The following MME variants were observed in gnomAD, a reference collection of about 807,000 sequenced individuals.
MME encodes neprilysin.
Under a neutral mutation model 113.2 loss-of-function variants are expected in MME, and 98 were observed. That is an observed-to-expected ratio of 0.87 (90% CI 0.74 to 1.02). The LOEUF is 1.02. Among genes scored for constraint, MME ranks in the 50% least tolerant of loss-of-function variants. MME has a pLI of 0.00. For synonymous variants in MME, 292 were observed against 300.6 expected (o/e 0.97, Z 0.30); for missense variants, 836 against 896.0 (o/e 0.93, Z 0.86).
At position 155,081,934 on chromosome 3, in the gene MME, A is replaced by G. The variant is rs1163631211; in HGVS notation, c.-11+1468A>G. 3 of 152,172 alleles carry G rather than the reference A, an allele frequency of 2.0e-5. No individual in the cohort carries two copies. The East Asian group carries it at 5.8e-4, about 29-fold the overall frequency. The allele number at this position is 152,172 out of a possible 1,614,324, so 9.4% of individuals were successfully genotyped here. ...CATTTACAAGAGGGGGAGATGGAGGAAGACTTTGCAGGTGATTCAAAGATT... is the reference window on the plus strand; with the variant it reads ...CATTTACAAGAGGGGGAGATGGAGGGAGACTTTGCAGGTGATTCAAAGATT... On this transcript the variant is annotated intron_variant, in intron 1 of 22. Transcript: ENST00000360490.
chr3:155,171,792 C>T (rs917032418), intron 20 of MME, among the ~76,000 whole-genome samples: 8 of 152,250 alleles, frequency 5.3e-5, no homozygotes, highest in African/African-American at 1.9e-4. Flanking sequence ...TGGTCTTATT[C>T]ATCAATTTAT....
intron 3 of MME, among the ~76,000 whole-genome samples, chr3:155,106,516 C>G (rs1249790061): frequency 6.6e-6 from 1 of 152,162 alleles, no homozygotes; most frequent in Non-Finnish European, 1.5e-5. Flanking sequence ...AGTTTTCAGT[C>G]ATTTTCTCTT....
chr3:155,172,812 A>C, intron 22 of MME, among the ~76,000 whole-genome samples, 200 bp downstream of exon 22: 1 of 150,686 alleles, frequency 6.6e-6, no homozygotes, highest in Non-Finnish European at 1.5e-5. Context: ...TCTCTTTCTT[A>C]GAATCTACAA....
At chr3:155,165,556 G>A (rs906092472) in intron 17 of MME, among the ~76,000 whole-genome samples, 5 of 152,262 alleles carry the variant, frequency 3.3e-5, no homozygotes, top group African/African-American at 9.6e-5. Flanking sequence ...TTTTTAGCAG[G>A]AGAATGATGA....
rs1553751505 is a variant in MME at position 155,063,673 on chromosome 3, T to TTATATTATAG, written c.-10-20476_-10-20475insGTATATTATA. Among the ~76,000 whole-genome samples, 4 of 104,824 alleles carry TTATATTATAG rather than the reference T, an allele frequency of 3.8e-5. No individual in the cohort carries two copies. In the East Asian group the frequency reaches 1.1e-3, roughly 28 times the overall value. The allele number at this position is 104,824 out of a possible 152,430, so 68.8% of individuals were successfully genotyped here. A position where few individuals can be genotyped will look rare whatever the true frequency, so the allele number is the denominator to read the frequency against. ...ATTTGATTATATAACATATTATATA[T>TTATATTATAG]TATATTATATTATATTATATTATAT... On this transcript the variant is annotated intron_variant, in intron 1 of 22. Transcript: ENST00000492661.
chr3:155,072,623 G>C (rs1187129514), intron 1 of MME, among the ~76,000 whole-genome samples: 3 of 152,112 alleles, frequency 2.0e-5, no homozygotes, highest in Non-Finnish European at 4.4e-5. Flanking sequence ...TTTGTATTCT[G>C]TGCAGTATTC....
At chr3:155,082,871 C>G (rs1183879291) in intron 1 of MME, among the ~76,000 whole-genome samples, 1 of 152,182 alleles carries the variant, frequency 6.6e-6, no homozygotes, top group Non-Finnish European at 1.5e-5. Context: ...TCAGTTTCCA[C>G]AAAACACACC....
intron 1 of MME, among the ~76,000 whole-genome samples, chr3:155,050,764 T>C (rs1290134055): frequency 6.6e-6 from 1 of 152,194 alleles, no homozygotes; most frequent in Non-Finnish European, 1.5e-5. Context: ...GTAAATATTT[T>C]ACCCTATTCT....
At chr3:155,102,748 T>C (rs1296197701) in intron 3 of MME, among the ~76,000 whole-genome samples, 1 of 152,178 alleles carries the variant, frequency 6.6e-6, no homozygotes, top group Non-Finnish European at 1.5e-5. Flanking sequence ...CTCTTTCCCA[T>C]GATCATTTCC....
intron 22 of MME, among the ~76,000 whole-genome samples, chr3:155,174,364 GTGTGTGTGTGTGTGT>G (rs1712302757): frequency 6.8e-6 from 1 of 147,032 alleles, no homozygotes. Flanking sequence ...GTGTGTGTGT[GTGTGTGTGTGTGTGT>G]GAAGGGTAAA....
chr3:155,089,754 G>A (rs551219111), intron 3 of MME: 9 of 374,168 alleles, frequency 2.4e-5, no homozygotes, highest in South Asian at 9.7e-5. Flanking sequence ...AAGGCGGGTG[G>A]ATCACTTGAG....
chr3:155,076,220 T>A (rs1208966545), upstream of MME, among the ~76,000 whole-genome samples: 4 of 152,206 alleles, frequency 2.6e-5, no homozygotes, highest in Non-Finnish European at 5.9e-5. Context: ...ACAGAAAGTT[T>A]TTGTTGTAAG....
intron 22 of MME, among the ~76,000 whole-genome samples, chr3:155,177,848 C>CACAGGCATAG (rs1250077516): frequency 6.6e-6 from 1 of 152,146 alleles, no homozygotes; most frequent in East Asian, 1.9e-4. Context: ...GATATCATCA[C>CACAGGCATAG]ACAGGCATAG....
chr3:155,076,270 CTA>C (rs1188153315), upstream of MME, among the ~76,000 whole-genome samples: 4 of 152,162 alleles, frequency 2.6e-5, no homozygotes, highest in Admixed American at 6.5e-5. Context: ...GCAAGTATAT[CTA>C]TGTTTCTTGT....
intron 1 of MME, among the ~76,000 whole-genome samples, chr3:155,036,183 C>A (rs1713121560): frequency 6.6e-6 from 1 of 152,126 alleles, no homozygotes; most frequent in African/African-American, 2.4e-5. Context: ...TTGTGATAAG[C>A]AGAATTGTGA....
intron 13 of MME, among the ~76,000 whole-genome samples, chr3:155,143,791 A>AAT: frequency 6.6e-6 from 1 of 152,134 alleles, no homozygotes; most frequent in Non-Finnish European, 1.5e-5. Flanking sequence ...GTCTGAAACC[A>AAT]ACTCACCATT....
rs1443234934 is a variant in MME at position 155,172,231 on chromosome 3, T to C, written c.2076+19T>C. The C allele has an allele frequency of 2.0e-6, 3 of 1,499,550 alleles. No homozygotes were observed. The highest frequency in any genetic ancestry group is 2.3e-5 in the East Asian group (1 of 44,142). The allele number at this position is 1,499,550 out of a possible 1,614,324, so 92.9% of individuals were successfully genotyped here. ...TGCACAGGTATTGTGTCTTTCTTGA[T>C]TGATAGATATGAAAACCATTTTGAG... On this transcript the variant is annotated intron_variant, in intron 21 of 22. Transcript: ENST00000360490.
At chr3:155,118,266 C>A (rs1718792175) in intron 7 of MME, among the ~76,000 whole-genome samples, 1 of 152,192 alleles carries the variant, frequency 6.6e-6, no homozygotes. Context: ...CCCTTCTCCC[C>A]ATCCATCCAA....
intron 3 of MME, among the ~76,000 whole-genome samples, chr3:155,109,605 G>T (rs1345732284): frequency 6.6e-6 from 1 of 152,048 alleles, no homozygotes; most frequent in Admixed American, 6.6e-5. Flanking sequence ...TGGATCTGTT[G>T]GTCCTCATTT....
Sources: gnomAD v4.1 joint callset for allele counts (sites outside exome capture counted in the v4.1 genomes callset) on GRCh38, gnomAD v4.1.1 for gene constraint, MANE v1.5 for transcripts, NCBI Gene and HGNC (gene_info 2026-07-23, HGNC 2026-07-21) for gene names.